ANKRD31: variants seen among roughly 807,000 people sequenced by gnomAD.
ANKRD31 encodes ankyrin repeat domain-containing protein 31.
In ANKRD31, 147 loss-of-function variants were observed where a neutral mutation model predicts 186.0. The ratio of observed to expected loss-of-function variants is 0.79; its 90% confidence interval spans 0.69 to 0.91. The LOEUF (loss-of-function observed/expected upper bound fraction) is 0.91. ANKRD31 is among the 40% of genes least tolerant of loss of function. The pLI is 0.00. For synonymous variants in ANKRD31, 673 were observed against 736.4 expected (o/e 0.91, Z 1.39); for missense variants, 1,986 against 2,148.8 (o/e 0.92, Z 1.50).
intron 15 of ANKRD31, among the ~76,000 whole-genome samples, chr5:75,139,663 A>G (rs747079324): frequency 1.3e-5 from 2 of 152,174 alleles, no homozygotes; most frequent in African/African-American, 2.4e-5. Context: ...GGGGGATTAG[A>G]AAGTCAATGA....
chr5:75,148,477 T>C (rs1561478722), intron 13 of ANKRD31, 99 bp downstream of exon 13: 2 of 793,392 alleles, frequency 2.5e-6, no homozygotes, highest in East Asian at 5.9e-5. Context: ...AAGTCATTAT[T>C]ACTAAAGCTT....
At chr5:75,221,342 G>T (rs1181868744) in intron 3 of ANKRD31, among the ~76,000 whole-genome samples, 1 of 152,118 alleles carries the variant, frequency 6.6e-6, no homozygotes, top group Non-Finnish European at 1.5e-5. Flanking sequence ...GACAAAAAAA[G>T]TAAAAATTCT....
chr5:75,110,254 C>A (rs79051905), intron 20 of ANKRD31, among the ~76,000 whole-genome samples: 6,774 of 151,994 alleles, frequency 0.045, 356 homozygotes, highest in African/African-American at 0.12. Flanking sequence ...TATATTTAAA[C>A]AAAAACTAAC....
rs749097142 is a variant in ANKRD31, at chr5:75,206,434, G to A, written c.380C>T (p.Ser127Leu). ...ACCTTCAATATTTTGGTGGTTCAATGAAAGTCCAGACTGGCGAAACGACCC... is the reference window on the plus strand; with the variant it reads ...ACCTTCAATATTTTGGTGGTTCAATAAAAGTCCAGACTGGCGAAACGACCC... Reference protein sequence around the residue: ...FIGSFRQSGLSLNHQNIEGPE... With the variant: ...FIGSFRQSGLLLNHQNIEGPE... Residue 127 changes from serine (S) to leucine (L), a missense_variant, in exon 5 of 26, where the codon TCA becomes TTA. Physicochemically the swap from Ser to Leu is moderately radical, Grantham distance 145. Coordinates refer to ENST00000506364, the MANE Select transcript of ANKRD31 (RefSeq NM_001372053.1). The A allele has an allele frequency of 1.3e-6, 2 of 1,482,620 alleles. No homozygotes were observed. Among genetic ancestry groups the A allele is most frequent in the East Asian group, 5.1e-5 (2 of 38,980 alleles). 91.8% of individuals were successfully genotyped at this position (1,482,620 alleles called of 1,614,324 possible). A position where few individuals can be genotyped will look rare whatever the true frequency, so the allele number is the denominator to read the frequency against.
intron 10 of ANKRD31, among the ~76,000 whole-genome samples, chr5:75,185,448 C>T (rs1754638427): frequency 6.6e-6 from 1 of 152,128 alleles, no homozygotes; most frequent in Non-Finnish European, 1.5e-5. Flanking sequence ...ATCCCAGCTA[C>T]TCAGGTGGCT....
intron 22 of ANKRD31, among the ~76,000 whole-genome samples, chr5:75,102,635 A>G (rs1401255713): frequency 6.6e-6 from 1 of 152,132 alleles, no homozygotes; most frequent in Non-Finnish European, 1.5e-5. Flanking sequence ...GCAATGGCGG[A>G]CGCCACTCCC....
chr5:75,138,707 C>T, intron 16 of ANKRD31, 139 bp downstream of exon 16: 1 of 881,860 alleles, frequency 1.1e-6, no homozygotes, highest in East Asian at 2.8e-5. Context: ...CAACTAAACA[C>T]TAATATAATA....
chr5:75,080,568 CT>C lies in ANKRD31; in HGVS notation c.5646del (p.Gly1883GlufsTer16). ...KSMFEKTKFG[Q>X]GTSRESMQSS... ...ATTGAATATTTTCTTTTTTTTTTAC[CT>C]TGTCCAAATTTTGTTTTCTCAAACA... is the stretch of plus-strand genomic sequence containing the variant. On this transcript the variant is annotated frameshift_variant and splice_region_variant, in exon 25 of 26. Coordinates refer to ENST00000506364, the MANE Select transcript of ANKRD31 (RefSeq NM_001372053.1). LOFTEE classifies it high-confidence loss of function. 1 of 1,510,906 alleles carries C rather than the reference CT, an allele frequency of 6.6e-7. No homozygotes were observed. The highest frequency in any genetic ancestry group is 8.8e-7 in the Non-Finnish European group (1 of 1,133,984). 93.6% of individuals were successfully genotyped at this position (1,510,906 alleles called of 1,614,324 possible). A position where few individuals can be genotyped will look rare whatever the true frequency, so the allele number is the denominator to read the frequency against.
chr5:75,110,517 CT>C (rs1258767414), intron 20 of ANKRD31, among the ~76,000 whole-genome samples: 1 of 151,870 alleles, frequency 6.6e-6, no homozygotes, highest in Non-Finnish European at 1.5e-5. Flanking sequence ...CGAGACCATC[CT>C]GACCAACATG....
intron 25 of ANKRD31, among the ~76,000 whole-genome samples, chr5:75,078,957 C>T (rs1744872834): frequency 6.6e-6 from 1 of 152,166 alleles, no homozygotes; most frequent in Non-Finnish European, 1.5e-5. Flanking sequence ...TTGTAGAGAT[C>T]ATGGATGGTT....
chr5:75,185,747 A>G (rs1226327394), intron 10 of ANKRD31, among the ~76,000 whole-genome samples: 1 of 151,638 alleles, frequency 6.6e-6, no homozygotes, highest in Non-Finnish European at 1.5e-5. Context: ...ATCATTACAC[A>G]ACATATACAT....
chr5:75,199,505 T>C, intron 6 of ANKRD31, 126 bp downstream of exon 6: 1 of 543,602 alleles, frequency 1.8e-6, no homozygotes, highest in South Asian at 3.6e-5. Context: ...AATAGATTTT[T>C]ATCTACCGAA....
intron 25 of ANKRD31, among the ~76,000 whole-genome samples, chr5:75,073,274 G>A (rs957324340): frequency 6.6e-6 from 1 of 151,472 alleles, no homozygotes; most frequent in Non-Finnish European, 1.5e-5. Context: ...TCCAGCTTGG[G>A]TGAGAAAGTA....
chr5:75,195,685 T>C lies in ANKRD31; in HGVS notation c.963A>G (p.Leu321=). Residue 321 remains leucine, a synonymous_variant, in exon 7 of 26, where the codon TTA becomes TTG. Transcript: ENST00000506364. ...TCTGAGACGTATTGAACTCCACTTC[T>C]AAACATTCATTTCTGGCAATGAGAC... ...GSSLIARNEC[L]EVEFNTSQTN... is the part of the protein sequence containing the mutation. 1.3e-6 allele frequency: 2 copies of C among 1,537,354 alleles called. No individual in the cohort carries two copies. Among genetic ancestry groups the C allele is most frequent in the Non-Finnish European group, 1.7e-6 (2 of 1,146,780 alleles).
chr5:75,128,330 C>A (rs2150103819), intron 17 of ANKRD31, among the ~76,000 whole-genome samples: 1 of 85,748 alleles, frequency 1.2e-5, no homozygotes, highest in Non-Finnish European at 2.1e-5. Context: ...ATGGATGCAG[C>A]AAACCACCAT....
chr5:75,068,440 C>T lies in ANKRD31; in HGVS notation c.*79G>A, dbSNP rs2149989711. ...TAAAGTGTATGTTAAAATAGGCCCACCAGATTATACAAGATGAAATATAAA... is the reference window on the plus strand; with the variant it reads ...TAAAGTGTATGTTAAAATAGGCCCATCAGATTATACAAGATGAAATATAAA... On this transcript the variant is annotated 3_prime_UTR_variant, in exon 26 of 26. Transcript: ENST00000506364. 2 of 1,333,254 alleles carry T rather than the reference C, an allele frequency of 1.5e-6. No individual in the cohort carries two copies. Among genetic ancestry groups the T allele is most frequent in the Middle Eastern group, 2.1e-4 (1 of 4,808 alleles). The allele number at this position is 1,333,254 out of a possible 1,614,324, so 82.6% of individuals were successfully genotyped here.
intron 17 of ANKRD31, among the ~76,000 whole-genome samples, chr5:75,137,170 A>G (rs1008783699): frequency 1.3e-5 from 2 of 152,206 alleles, no homozygotes; most frequent in African/African-American, 4.8e-5. Context: ...AATAATAAAA[A>G]AAGTAGATAC....
At chr5:75,080,541 G>A (rs977940760) in intron 25 of ANKRD31, 27 bp downstream of exon 25, 5 of 1,433,626 alleles carry the variant, frequency 3.5e-6, no homozygotes, top group Admixed American at 2.1e-5. Context: ...AAAGTAAATG[G>A]AATTGAATAT....
chr5:75,103,570 T>A (rs965367816), intron 22 of ANKRD31, among the ~76,000 whole-genome samples: 1 of 152,190 alleles, frequency 6.6e-6, no homozygotes, highest in Non-Finnish European at 1.5e-5. Context: ...TGCAGCACTA[T>A]TCACAATAGC....
Sources: allele counts gnomAD v4.1 joint callset (sites outside exome capture counted in the v4.1 genomes callset), GRCh38; gene constraint gnomAD v4.1.1; transcripts MANE v1.5; gene names NCBI Gene and HGNC (gene_info 2026-07-23, HGNC 2026-07-21).